Variants in ASTN1 observed in about 807,000 individuals in gnomAD.
ASTN1 encodes astrotactin 1.
In ASTN1, 41 loss-of-function variants were observed where a neutral mutation model predicts 140.7. That is an observed-to-expected ratio of 0.29 (90% CI 0.23 to 0.38). The LOEUF is 0.38. Among genes scored for constraint, ASTN1 ranks in the 10% least tolerant of loss-of-function variants. The pLI, the probability that ASTN1 is intolerant of heterozygous loss-of-function variation, is 1.00. For missense variants in ASTN1, 1,479 were observed against 1,678.8 expected, an observed-to-expected ratio of 0.88 and a Z score of 2.08; for synonymous variants, 640 against 652.2, an observed-to-expected ratio of 0.98 and a Z score of 0.29.
chr1:176,884,155 T>C (rs1367522107), intron 19 of ASTN1, among the ~76,000 whole-genome samples, 184 bp downstream of exon 19: 1 of 152,232 alleles, frequency 6.6e-6, no homozygotes, highest in African/African-American at 2.4e-5. Flanking sequence ...ATGGACAAGA[T>C]GGCTGCTGCT....
At chr1:177,129,427 G>C (rs1477162704) in intron 1 of ASTN1, among the ~76,000 whole-genome samples, 1 of 152,202 alleles carries the variant, frequency 6.6e-6, no homozygotes, top group Non-Finnish European at 1.5e-5. Context: ...CAAGGAAGCA[G>C]GAGGCTGGGA....
chr1:176,903,872 C>T (rs1339396754), intron 16 of ASTN1, among the ~76,000 whole-genome samples: 1 of 152,198 alleles, frequency 6.6e-6, no homozygotes, highest in Non-Finnish European at 1.5e-5. Context: ...AAATATCCTT[C>T]TTTGTGTCTT....
At chr1:176,884,857 A>G (rs1181669645) in intron 18 of ASTN1, among the ~76,000 whole-genome samples, 1 of 152,214 alleles carries the variant, frequency 6.6e-6, no homozygotes, top group Non-Finnish European at 1.5e-5. Context: ...CTTGAAAAAT[A>G]TCAAGAGAGT....
At chr1:176,959,034 A>G (rs896582712) in intron 9 of ASTN1, among the ~76,000 whole-genome samples, 4 of 152,186 alleles carry the variant, frequency 2.6e-5, no homozygotes, top group Non-Finnish European at 5.9e-5. Context: ...AAACAGGCCC[A>G]GATTTATTCT....
At chr1:177,108,429 C>T (rs1170117759) in intron 1 of ASTN1, among the ~76,000 whole-genome samples, 1 of 151,822 alleles carries the variant, frequency 6.6e-6, no homozygotes, top group Middle Eastern at 3.4e-3. Context: ...ACTCTAGGTA[C>T]CTCATATAAG....
chr1:176,905,943 A>G (rs1445554874), intron 16 of ASTN1, among the ~76,000 whole-genome samples: 1 of 152,212 alleles, frequency 6.6e-6, no homozygotes, highest in Non-Finnish European at 1.5e-5. Flanking sequence ...ACAGCTGGAC[A>G]TGGGAGGAAA....
chr1:176,988,714 C>T (rs1674024792), intron 8 of ASTN1, among the ~76,000 whole-genome samples: 1 of 152,160 alleles, frequency 6.6e-6, no homozygotes, highest in African/African-American at 2.4e-5. Context: ...GGAAACTTTT[C>T]AGAGCTGTGT....
At chr1:176,959,580 G>C (rs1254148002) in intron 9 of ASTN1, among the ~76,000 whole-genome samples, 1 of 152,064 alleles carries the variant, frequency 6.6e-6, no homozygotes, top group Non-Finnish European at 1.5e-5. Context: ...ATTGACTAGG[G>C]CTCCTGAGTT....
At chr1:177,022,267 G>A (rs1224977674) in intron 7 of ASTN1, among the ~76,000 whole-genome samples, 3 of 152,108 alleles carry the variant, frequency 2.0e-5, no homozygotes, top group African/African-American at 7.2e-5. Context: ...TTGGCGGGGG[G>A]TGGCTGCACA....
chr1:176,985,846 A>C (rs1416272270), intron 8 of ASTN1, among the ~76,000 whole-genome samples: 89 of 17,620 alleles, frequency 5.1e-3, no homozygotes, highest in African/African-American at 0.016. Context: ...CTCTCTCTCT[A>C]CACACACACA....
chr1:177,044,176 T>A (rs78742788), intron 2 of ASTN1, among the ~76,000 whole-genome samples: 3 of 143,314 alleles, frequency 2.1e-5, no homozygotes, highest in Non-Finnish European at 3.0e-5. Context: ...AAAAAAAAAA[T>A]ACACACACAC....
intron 16 of ASTN1, among the ~76,000 whole-genome samples, chr1:176,904,536 T>C (rs772786702): frequency 2.6e-5 from 4 of 152,026 alleles, no homozygotes; most frequent in Non-Finnish European, 5.9e-5. Context: ...GGATTTGCTA[T>C]TTCCAAATCT....
At chr1:176,991,413 C>CAAA (rs1200261285) in intron 8 of ASTN1, among the ~76,000 whole-genome samples, 21 of 109,532 alleles carry the variant, frequency 1.9e-4, no homozygotes, top group African/African-American at 5.2e-4. Context: ...AACTCTGTCT[C>CAAA]AAAAAAAAAA....
chr1:176,981,374 G>C (rs1673614832), intron 8 of ASTN1: 1 of 152,054 alleles, frequency 6.6e-6, no homozygotes, highest in African/African-American at 2.4e-5. Context: ...CCCCCAAAAA[G>C]ATATGTTGAA....
chr1:176,966,722 G>A (rs1672906805), intron 8 of ASTN1, among the ~76,000 whole-genome samples: 1 of 151,564 alleles, frequency 6.6e-6, no homozygotes, highest in South Asian at 2.1e-4. Flanking sequence ...ATTATATTAT[G>A]GTGAATCTGT....
intron 1 of ASTN1, among the ~76,000 whole-genome samples, chr1:177,092,706 T>C (rs973022736): frequency 6.6e-6 from 1 of 152,172 alleles, no homozygotes; most frequent in Non-Finnish European, 1.5e-5. Flanking sequence ...CCAACTTCAT[T>C]GTTTCCATGT....
intron 1 of ASTN1, among the ~76,000 whole-genome samples, chr1:177,098,003 T>A (rs1472160656): frequency 1.3e-5 from 2 of 152,170 alleles, no homozygotes; most frequent in African/African-American, 4.8e-5. Flanking sequence ...ATTTCTGAGT[T>A]GTACCCACAA....
At chr1:176,944,433 G>C (rs916097690) in intron 13 of ASTN1, among the ~76,000 whole-genome samples, 3 of 151,698 alleles carry the variant, frequency 2.0e-5, no homozygotes, top group Non-Finnish European at 4.4e-5. Context: ...CTAATTTTTT[G>C]TATTTTTTGT....
chr1:177,003,279 A>AC (rs1674827265), intron 8 of ASTN1, among the ~76,000 whole-genome samples: 1 of 151,850 alleles, frequency 6.6e-6, no homozygotes, highest in Non-Finnish European at 1.5e-5. Flanking sequence ...ACACATTAAA[A>AC]AAAAAAAATC....
Sources: gnomAD v4.1 joint callset for allele counts (sites outside exome capture counted in the v4.1 genomes callset) on GRCh38, gnomAD v4.1.1 for gene constraint, MANE v1.5 for transcripts, NCBI Gene and HGNC (gene_info 2026-07-23, HGNC 2026-07-21) for gene names.